Variants in CCDC171 observed in about 807,000 individuals in gnomAD.
CCDC171 encodes the protein coiled-coil domain-containing protein 171.
In CCDC171, 177 loss-of-function variants were observed where a neutral mutation model predicts 168.2. That is an observed-to-expected ratio of 1.05 (90% CI 0.93 to 1.19). The LOEUF (loss-of-function observed/expected upper bound fraction) is 1.19, where lower values mean the gene tolerates loss of function less well. Ranked by LOEUF, CCDC171 falls within the 50% of genes most tolerant of loss-of-function variation. The pLI is 0.00. For synonymous variants in CCDC171, 687 were observed against 540.8 expected (o/e 1.27, Z -3.75); for missense variants, 1,991 against 1,539.0 (o/e 1.29, Z -4.91).
rs1586845768 is a variant in CCDC171 at position 16,030,981 on chromosome 9, C to T, written n.999-4476C>T. 2.0e-5 allele frequency among the ~76,000 whole-genome samples: 3 copies of T among 152,274 alleles called. No homozygotes were observed. The South Asian group carries it at 6.2e-4, about 32-fold the overall frequency. On this transcript the variant is annotated intron_variant and non_coding_transcript_variant, in intron 6 of 9. Coordinates refer to the CCDC171 transcript ENST00000486641. ...TTCAGCGTTCAGGGGCACAAGAATA[C>T]ACTGGAGACAAAGAAGAAGAGCCAA...
chr9:15,674,717 C>G (rs1200023528), intron 9 of CCDC171, among the ~76,000 whole-genome samples: 1 of 152,164 alleles, frequency 6.6e-6, no homozygotes, highest in Non-Finnish European at 1.5e-5. Flanking sequence ...GCACTGTGGT[C>G]TGAGAGACAG....
intron 24 of CCDC171, chr9:15,875,304 A>G (rs1817695778): frequency 6.6e-6 from 1 of 152,042 alleles, no homozygotes; most frequent in African/African-American, 2.4e-5. Context: ...AAGTACACTA[A>G]TAAACTTATT....
chr9:16,077,052 C>T, the CCDC171 span, among the ~76,000 whole-genome samples: 10 of 152,044 alleles, frequency 6.6e-5, no homozygotes, highest in South Asian at 2.1e-4. Context: ...GGCAGGCAAC[C>T]GACTGAGGAA....
chr9:15,870,808 G>C (rs1394668121), intron 23 of CCDC171, among the ~76,000 whole-genome samples: 1 of 144,960 alleles, frequency 6.9e-6, no homozygotes, highest in South Asian at 2.2e-4. Context: ...TTTTTGTTTT[G>C]GTAGGAGCAT....
At chr9:15,614,339 T>C (rs1372999414) in intron 6 of CCDC171, among the ~76,000 whole-genome samples, 1 of 152,178 alleles carries the variant, frequency 6.6e-6, no homozygotes, top group Admixed American at 6.5e-5. Flanking sequence ...TTCCATAAGC[T>C]ACTACTATTC....
At chr9:15,963,620 G>A (rs948733541) in intron 25 of CCDC171, among the ~76,000 whole-genome samples, 1 of 152,160 alleles carries the variant, frequency 6.6e-6, no homozygotes, top group Non-Finnish European at 1.5e-5. Context: ...TTTGATATAT[G>A]AAAAGTCATC....
intron 11 of CCDC171, among the ~76,000 whole-genome samples, 182 bp from the exon 12 acceptor site, chr9:15,721,587 C>T (rs1391668551): frequency 6.8e-6 from 1 of 146,928 alleles, no homozygotes; most frequent in African/African-American, 2.5e-5. Context: ...CAGCAGTATA[C>T]TTGGAGAATA....
intron 2 of CCDC171, 55 bp downstream of exon 2, chr9:15,564,184 G>C: frequency 7.4e-7 from 1 of 1,356,688 alleles, no homozygotes; most frequent in African/African-American, 1.4e-5. Flanking sequence ...GCAAGGAACA[G>C]GGAGAAGTCA....
chr9:15,829,817 A>C (rs1056869602), intron 21 of CCDC171, among the ~76,000 whole-genome samples: 3 of 152,072 alleles, frequency 2.0e-5, no homozygotes, highest in Non-Finnish European at 4.4e-5. Context: ...CTACTCAAGA[A>C]ACGGAGGCGG....
intron 21 of CCDC171, among the ~76,000 whole-genome samples, chr9:15,787,924 A>G (rs2058052765): frequency 6.6e-6 from 1 of 152,206 alleles, no homozygotes. Flanking sequence ...CTATTAATAG[A>G]TAATGTAATG....
At chr9:15,664,365 C>T (rs1007334106) in intron 8 of CCDC171, among the ~76,000 whole-genome samples, 2 of 152,158 alleles carry the variant, frequency 1.3e-5, no homozygotes, top group African/African-American at 2.4e-5. Flanking sequence ...CTGCCCGCCT[C>T]TGTCCCCCAA....
intron 25 of CCDC171, among the ~76,000 whole-genome samples, chr9:15,969,080 G>A (rs1831093630): frequency 6.6e-6 from 1 of 152,086 alleles, no homozygotes; most frequent in African/African-American, 2.4e-5. Context: ...TATTTTCCAT[G>A]TTTAGGACAT....
chr9:15,636,704 C>T (rs527766057), intron 7 of CCDC171, among the ~76,000 whole-genome samples: 2 of 131,502 alleles, frequency 1.5e-5, no homozygotes, highest in South Asian at 2.5e-4. Context: ...GAGCTGTGAT[C>T]GTGCTGCTGT....
chr9:15,959,198 G>C (rs781247467), intron 25 of CCDC171, among the ~76,000 whole-genome samples: 15 of 152,152 alleles, frequency 9.9e-5, no homozygotes, highest in Non-Finnish European at 1.6e-4. Context: ...GCAGTTCTAG[G>C]GTCATTGTAA....
downstream of CCDC171, among the ~76,000 whole-genome samples, chr9:15,979,013 C>G (rs1230245675): frequency 6.6e-6 from 1 of 152,060 alleles, no homozygotes; most frequent in Non-Finnish European, 1.5e-5. Context: ...ATCTGGCTTC[C>G]TTCATTGAGA....
chr9:16,079,758 G>A, the CCDC171 span, among the ~76,000 whole-genome samples: 28 of 152,174 alleles, frequency 1.8e-4, no homozygotes, highest in African/African-American at 6.5e-4. Context: ...TGATACGCAT[G>A]GAATCTCTGT....
At chr9:15,759,720 G>A (rs890662114) in intron 18 of CCDC171, among the ~76,000 whole-genome samples, 4 of 152,182 alleles carry the variant, frequency 2.6e-5, no homozygotes, top group Admixed American at 2.6e-4. Context: ...TCACAGAAGT[G>A]ACACTGTACT....
chr9:15,663,876 G>A (rs1038383745), intron 8 of CCDC171, among the ~76,000 whole-genome samples: 2 of 152,144 alleles, frequency 1.3e-5, no homozygotes, highest in East Asian at 3.9e-4. Context: ...AAAGTGCCGG[G>A]ATTACATGCG....
chr9:15,920,483 A>T (rs1186367642), intron 25 of CCDC171, 61 bp downstream of exon 25: 1 of 1,170,598 alleles, frequency 8.5e-7, no homozygotes, highest in Non-Finnish European at 1.2e-6. Context: ...ATTTACATTT[A>T]TGTTTTTAAT....
Sources: gnomAD v4.1 joint callset for allele counts (sites outside exome capture counted in the v4.1 genomes callset) on GRCh38, gnomAD v4.1.1 for gene constraint, MANE v1.5 for transcripts, NCBI Gene and HGNC (gene_info 2026-07-23, HGNC 2026-07-21) for gene names.